The following DZANK1 variants were observed in gnomAD, a reference collection of about 807,000 sequenced individuals.
DZANK1 encodes the protein double zinc ribbon and ankyrin repeat domains 1, also known as double zinc ribbon and ankyrin repeat-containing protein 1.
Under a neutral mutation model 94.5 loss-of-function variants are expected in DZANK1, and 91 were observed. The ratio of observed to expected loss-of-function variants is 0.96; its 90% confidence interval spans 0.81 to 1.15. DZANK1 has a LOEUF of 1.15. Among genes scored for constraint, DZANK1 ranks in the 50% most tolerant of loss-of-function variants. The pLI is 0.00. For missense variants in DZANK1, 903 were observed against 916.4 expected (o/e 0.99, Z 0.19); for synonymous variants, 312 against 325.3 (o/e 0.96, Z 0.44).
intron 13 of DZANK1, among the ~76,000 whole-genome samples, chr20:18,402,288 G>A (rs929453240): frequency 2.6e-5 from 4 of 152,130 alleles, no homozygotes; most frequent in East Asian, 1.9e-4. Flanking sequence ...AGGGGACAGC[G>A]GTCTCCCAAT....
intron 8 of DZANK1, among the ~76,000 whole-genome samples, chr20:18,439,030 A>G (rs11698454): frequency 0.1 from 15,419 of 152,224 alleles, 1,495 homozygotes; most frequent in East Asian, 0.53. Flanking sequence ...GGACATAACA[A>G]CAAACCCCCA....
chr20:18,460,861 G>C (rs2059450374), intron 2 of DZANK1, among the ~76,000 whole-genome samples: 1 of 152,176 alleles, frequency 6.6e-6, no homozygotes, highest in African/African-American at 2.4e-5. Flanking sequence ...CCAGCATTGT[G>C]CTTTACTTGA....
chr20:18,465,338 A>G, exon 2 of DZANK1: 13 of 1,604,062 alleles, frequency 8.1e-6, no homozygotes, highest in Non-Finnish European at 1.1e-5. Flanking sequence ...TCTGAGGGAC[A>G]CACACTGAAC....
In DZANK1 at chr20:18,441,413, C is replaced by A. The variant is rs1166953163; in HGVS notation, c.747+1934G>T. Among the ~76,000 whole-genome samples, 1 of 152,168 alleles carries A rather than the reference C, an allele frequency of 6.6e-6. No homozygotes were observed. The highest frequency in any genetic ancestry group is 1.5e-5 in the Non-Finnish European group (1 of 68,034). On this transcript the variant is annotated intron_variant, in intron 8 of 20. Coordinates refer to ENST00000262547, the Ensembl canonical transcript of DZANK1. The surrounding 1 kb of genome is among the most constrained non-coding windows in gnomAD (Gnocchi z 4.1). ...CAGAGTCCAATCAGGACATAGAAAC[C>A]ACAACTAATTTGAACAGGAAAAGTT...
chr20:18,437,207 A>G (rs147824979), intron 8 of DZANK1, among the ~76,000 whole-genome samples: 1 of 152,346 alleles, frequency 6.6e-6, no homozygotes, highest in African/African-American at 2.4e-5. Flanking sequence ...TCAGTTTATA[A>G]CATATATAGA....
chr20:18,401,036 A>G (rs1363543592), intron 13 of DZANK1, among the ~76,000 whole-genome samples: 1 of 152,022 alleles, frequency 6.6e-6, no homozygotes, highest in Non-Finnish European at 1.5e-5. Flanking sequence ...TCCCGGGTTC[A>G]AGCCATTCTC....
rs144759015 is a variant in DZANK1, at chr20:18,463,268, G to A, written c.109+1982C>T. 6.1e-3 allele frequency among the ~76,000 whole-genome samples: 924 copies of A among 152,212 alleles called. 12 individuals are homozygous for A. Among genetic ancestry groups the A allele is most frequent in the East Asian group, 0.025 (130 of 5,184 alleles). ...GCGAATTAACACAGGAACAGAAAAC[G>A]AAATACCACGTGTTCTCACTTATAA... is the stretch of plus-strand genomic sequence containing the variant. On this transcript the variant is annotated intron_variant, in intron 2 of 20. Transcript: ENST00000262547.
chr20:18,402,169 C>T (rs1260882277), intron 13 of DZANK1, among the ~76,000 whole-genome samples: 1 of 152,106 alleles, frequency 6.6e-6, no homozygotes, highest in Non-Finnish European at 1.5e-5. Flanking sequence ...GAGACATGAG[C>T]AGGGCAGGAA....
chr20:18,419,414 T>C (rs1219768059), intron 10 of DZANK1, among the ~76,000 whole-genome samples: 2 of 152,064 alleles, frequency 1.3e-5, no homozygotes, highest in Non-Finnish European at 2.9e-5. Context: ...CTAAATCTGA[T>C]GAAAGACAGA....
chr20:18,452,012 G>GGTCA, intron 6 of DZANK1: 1 of 498,386 alleles, frequency 2.0e-6, no homozygotes. Flanking sequence ...AACTTCTTAC[G>GGTCA]GTCAGACTAG....
intron 10 of DZANK1, among the ~76,000 whole-genome samples, chr20:18,421,800 C>G (rs1176475057): frequency 1.3e-5 from 2 of 152,178 alleles, no homozygotes; most frequent in African/African-American, 4.8e-5. Context: ...GCCTCATCCA[C>G]CCTGGAGCAT....
intron 7 of DZANK1, among the ~76,000 whole-genome samples, 198 bp from the exon 8 acceptor site, chr20:18,443,662 T>A (rs2058783224): frequency 6.6e-6 from 1 of 152,230 alleles, no homozygotes; most frequent in African/African-American, 2.4e-5. Context: ...GCCTTGCAAC[T>A]GGACCCTCTG....
chr20:18,449,702 G>A (rs572340737), intron 6 of DZANK1, among the ~76,000 whole-genome samples: 4 of 147,992 alleles, frequency 2.7e-5, no homozygotes, highest in Non-Finnish European at 5.9e-5. Flanking sequence ...AAGTTGTGGT[G>A]AGCCAAGATT....
intron 7 of DZANK1, among the ~76,000 whole-genome samples, chr20:18,445,882 G>A (rs368340529): frequency 2.0e-5 from 3 of 152,058 alleles, no homozygotes; most frequent in Middle Eastern, 3.2e-3. Context: ...TCAGCCTCCC[G>A]AGTAGCTGGG....
At chr20:18,450,475 T>C (rs931747913) in intron 6 of DZANK1, among the ~76,000 whole-genome samples, 1 of 152,184 alleles carries the variant, frequency 6.6e-6, no homozygotes. Context: ...TGGCCTGCCA[T>C]TGAGTTTTAT....
At chr20:18,415,061 C>A (rs900195050) in intron 11 of DZANK1, among the ~76,000 whole-genome samples, 5 of 152,106 alleles carry the variant, frequency 3.3e-5, no homozygotes, top group Non-Finnish European at 7.4e-5. Context: ...TAAAGGCAGG[C>A]AGACATAATT....
intron 9 of DZANK1, among the ~76,000 whole-genome samples, chr20:18,428,991 C>T (rs76237686): frequency 0.012 from 1,842 of 152,346 alleles, 98 homozygotes; most frequent in Admixed American, 0.088. Context: ...CACACTCTTG[C>T]TCTCAATGGT....
At chr20:18,460,385 G>A (rs2148812695) in intron 2 of DZANK1, 79 bp from the exon 3 acceptor site, 2 of 1,023,324 alleles carry the variant, frequency 2.0e-6, no homozygotes, top group Non-Finnish European at 2.7e-6. Flanking sequence ...GTCAGTTTAA[G>A]ATCTAAGTGT....
chr20:18,401,713 G>T (rs899373885), intron 13 of DZANK1, among the ~76,000 whole-genome samples: 1 of 152,202 alleles, frequency 6.6e-6, no homozygotes, highest in African/African-American at 2.4e-5. Flanking sequence ...CAGGTGCTCT[G>T]TTCTTCTTCA....
Sources: gnomAD v4.1 joint callset for allele counts (sites outside exome capture counted in the v4.1 genomes callset) on GRCh38, gnomAD v4.1.1 for gene constraint, Gnocchi (gnomAD v3.1) non-coding constraint, MANE v1.5 for transcripts, NCBI Gene and HGNC (gene_info 2026-07-23, HGNC 2026-07-21) for gene names.